Variants in SPATA7 observed in about 807,000 individuals in gnomAD.
SPATA7 encodes the protein spermatogenesis associated 7.
SPATA7 carries 43 observed loss-of-function variants against 51.8 expected under a neutral mutation model. The ratio of observed to expected loss-of-function variants is 0.83; its 90% CI spans 0.65 to 1.07. The LOEUF is 1.07. Ranked by LOEUF, SPATA7 falls within the 50% of genes least tolerant of loss-of-function variation. The pLI is 0.00. For synonymous variants in SPATA7, 230 were observed against 252.8 expected, an observed-to-expected ratio of 0.91 and a Z score of 0.86; for missense variants, 683 against 701.3, an observed-to-expected ratio of 0.97 and a Z score of 0.30.
exon 5 of SPATA7, chr14:88,470,054 G>C: frequency 5.6e-6 from 9 of 1,611,982 alleles, no homozygotes; most frequent in Non-Finnish European, 7.6e-6. Context: ...CAGAGACCTG[G>C]GATTAGAAAA....
At chr14:88,422,623 T>C (rs1459281778) in intron 5 of SPATA7, among the ~76,000 whole-genome samples, 1 of 148,724 alleles carries the variant, frequency 6.7e-6, no homozygotes, top group African/African-American at 2.4e-5. Context: ...ATTTACATAT[T>C]ATATATTTTT....
chr14:88,466,615 A>T (rs1349234382), intron 4 of SPATA7: 2 of 152,192 alleles, frequency 1.3e-5, no homozygotes, highest in Admixed American at 1.3e-4. Context: ...TATCCCACTC[A>T]TCCATGCCTA....
At chr14:88,464,736 GAAAA>G (rs778916172) in intron 4 of SPATA7, among the ~76,000 whole-genome samples, 2 of 148,762 alleles carry the variant, frequency 1.3e-5, no homozygotes, top group East Asian at 2.0e-4. Flanking sequence ...TCTCAAAAAA[GAAAA>G]AAAAAGTCTT....
chr14:88,416,671 A>G (rs2139961283), intron 4 of SPATA7, 40 bp from the exon 5 acceptor site: 2 of 1,608,230 alleles, frequency 1.2e-6, no homozygotes, highest in South Asian at 1.1e-5. Flanking sequence ...CCAATTTTCT[A>G]TTTTGTTCCA....
chr14:88,393,831 T>C (rs2075809308), intron 3 of SPATA7, among the ~76,000 whole-genome samples: 2 of 152,216 alleles, frequency 1.3e-5, no homozygotes, highest in African/African-American at 4.8e-5. Context: ...TTTTTCTGTT[T>C]AATTTTTTTC....
At chr14:88,398,941 G>T (rs112999725) in intron 4 of SPATA7, among the ~76,000 whole-genome samples, 1 of 151,188 alleles carries the variant, frequency 6.6e-6, no homozygotes, top group Non-Finnish European at 1.5e-5. Context: ...AGTCCCAGCT[G>T]CTCGGGAGGC....
Position 88,416,712 on chromosome 14 carries a change from T to C in SPATA7, c.240T>C (p.Tyr80=). ...VPVSVSTSIK[Y]ADQQRREKLK... ...TGAAAGATTTGTTTTCCCTTTTAGA[T>C]GCAGACCAACAACGAAGAGAGAAAC... Residue 80 remains tyrosine, a splice_region_variant and synonymous_variant, in exon 5 of 12, where the codon TAT becomes TAC. Transcript: ENST00000393545. The C allele has an allele frequency of 6.2e-7, 1 of 1,613,168 alleles. No individual in the cohort carries two copies. The highest frequency in any genetic ancestry group is 1.1e-5 in the South Asian group (1 of 90,784).
intron 4 of SPATA7, 24 bp downstream of exon 4, chr14:88,396,227 A>G (rs775122024): frequency 2.5e-6 from 4 of 1,572,628 alleles, no homozygotes; most frequent in East Asian, 4.5e-5. Flanking sequence ...GGACATTATT[A>G]CCTTTTTAAA....
intron 9 of SPATA7, chr14:88,432,486 C>T (rs529403565): frequency 6.6e-6 from 1 of 152,216 alleles, no homozygotes; most frequent in African/African-American, 2.4e-5. Context: ...CTTGTAATAG[C>T]TACTAAAATA....
rs560155762 is a variant in SPATA7, at chr14:88,448,641, G to A, written c.178-6419G>A. Among the ~76,000 whole-genome samples the A allele has an allele frequency of 9.8e-4, 149 of 152,238 alleles. 2 individuals are homozygous for A. The highest frequency in any genetic ancestry group is 3.2e-3 in the African/African-American group (134 of 41,516). On this transcript the variant is annotated intron_variant, in intron 3 of 3. Transcript: ENST00000554802. ...TTATCTACTTTTGGTCTTTGATGAT[G>A]GTGATGTACAGATGTGTTTTTGGTG...
At chr14:88,386,065 C>T (rs1451715959) in intron 1 of SPATA7, 4 of 1,423,784 alleles carry the variant, frequency 2.8e-6, no homozygotes, top group African/African-American at 1.4e-5. Context: ...GTCGCCCTGA[C>T]ACCAGGGGCC....
At position 88,396,181 on chromosome 14, in the gene SPATA7, A is replaced by G. The variant is rs1050146507; in HGVS notation, c.216A>G (p.Val72=). The change falls in exon 4 of 12, where the codon GTA becomes GTG. Residue 72 remains valine, a synonymous_variant. Transcript: ENST00000393545. ...CTGCAGTAGACTGCTCGGTTCCAGTAAGCGTGAGTACCAGCATAAAGTGTA... is the reference window on the plus strand; with the variant it reads ...CTGCAGTAGACTGCTCGGTTCCAGTGAGCGTGAGTACCAGCATAAAGTGTA... ...AKAAVDCSVP[V]SVSTSIKYAD... 1 of 1,610,814 alleles carries G rather than the reference A, an allele frequency of 6.2e-7. No homozygotes were observed. Among genetic ancestry groups the G allele is most frequent in the African/African-American group, 1.3e-5 (1 of 74,800 alleles).
chr14:88,465,605 ACT>A (rs1271342778), intron 4 of SPATA7, among the ~76,000 whole-genome samples: 2 of 152,224 alleles, frequency 1.3e-5, no homozygotes, highest in African/African-American at 4.8e-5. Context: ...GTGGTTTATA[ACT>A]CTACGTTTTG....
At position 88,445,077 on chromosome 14, in the gene SPATA7, G is replaced by A. The variant is rs562045092; in HGVS notation, c.177+7174G>A. On this transcript the variant is annotated intron_variant, in intron 3 of 3. Transcript: ENST00000554802. ...TTGAATCTGTAAATTACCTTGGGCA[G>A]TATGGCCATTTTCACAATATTGATT... Among the ~76,000 whole-genome samples the A allele has an allele frequency of 7.6e-3, 1,151 of 152,066 alleles. 15 individuals carry two copies. The highest frequency in any genetic ancestry group is 0.026 in the African/African-American group (1,098 of 41,448).
chr14:88,447,704 T>C (rs2077224135), intron 3 of SPATA7, among the ~76,000 whole-genome samples: 1 of 152,104 alleles, frequency 6.6e-6, no homozygotes, highest in Non-Finnish European at 1.5e-5. Flanking sequence ...TCTCAGCATT[T>C]GCTTGTCTGT....
chr14:88,385,888 G>C, intron 1 of SPATA7, 51 bp downstream of exon 1: 1 of 1,572,182 alleles, frequency 6.4e-7, no homozygotes, highest in Non-Finnish European at 8.6e-7. Flanking sequence ...CGCTCCAGGC[G>C]GCGCTCCCAG....
Position 88,398,650 on chromosome 14 carries a change from TA to T in SPATA7, c.238+2456del, listed in dbSNP as rs903578571. Among the ~76,000 whole-genome samples, 593 of 148,700 alleles carry T rather than the reference TA, an allele frequency of 4.0e-3. 3 individuals are homozygous for T. Among genetic ancestry groups the T allele is most frequent in the African/African-American group, 0.014 (551 of 40,584 alleles). ...ATAATAATAAAATTTTAAAAAAAGATAAAAAAAAATCAGTGTTATAAATTTT... is the reference window on the plus strand; with the variant it reads ...ATAATAATAAAATTTTAAAAAAAGATAAAAAAAATCAGTGTTATAAATTTT... On this transcript the variant is annotated intron_variant, in intron 4 of 11. Coordinates refer to ENST00000393545, the MANE Select transcript of SPATA7 (RefSeq NM_018418.5).
At chr14:88,467,195 C>T (rs554984748) in intron 4 of SPATA7, 1 of 149,184 alleles carries the variant, frequency 6.7e-6, no homozygotes, top group East Asian at 1.9e-4. Context: ...TCCTTAATCT[C>T]TCCCAAAACG....
chr14:88,454,365 C>A (rs542721750), intron 3 of SPATA7, among the ~76,000 whole-genome samples: 4 of 152,230 alleles, frequency 2.6e-5, no homozygotes, highest in African/African-American at 9.6e-5. Flanking sequence ...GGATAATCCC[C>A]CAACTCAAAA....
Sources: gnomAD v4.1 joint callset for allele counts (sites outside exome capture counted in the v4.1 genomes callset) on GRCh38, gnomAD v4.1.1 for gene constraint, MANE v1.5 for transcripts, NCBI Gene and HGNC (gene_info 2026-07-23, HGNC 2026-07-21) for gene names.